PDE7B: variants seen among roughly 807,000 people sequenced by gnomAD.
PDE7B encodes 3',5'-cyclic-AMP phosphodiesterase 7B.
PDE7B carries 29 observed loss-of-function variants against 56.2 expected under a neutral mutation model. That is an observed-to-expected ratio of 0.52 (90% CI 0.38 to 0.70). The LOEUF is 0.70. PDE7B is among the 30% of genes least tolerant of loss of function. The probability of loss-of-function intolerance (pLI) is 0.00; values close to 1 mark genes in which losing one functional copy is unlikely to be tolerated. For synonymous variants in PDE7B, 197 were observed against 196.9 expected (o/e 1.00, Z 0.00); for missense variants, 490 against 565.0 (o/e 0.87, Z 1.35).
At chr6:136,027,958 T>G (rs1776181889) in intron 2 of PDE7B, among the ~76,000 whole-genome samples, 1 of 152,202 alleles carries the variant, frequency 6.6e-6, no homozygotes, top group African/African-American at 2.4e-5. Context: ...TTGGATATAT[T>G]GCATCTATAT....
At chr6:136,004,671 G>A (rs1241572495) in intron 2 of PDE7B, among the ~76,000 whole-genome samples, 2 of 152,034 alleles carry the variant, frequency 1.3e-5, no homozygotes, top group Non-Finnish European at 2.9e-5. Flanking sequence ...TCTTCAAGGA[G>A]AACTACAAAC....
chr6:136,064,106 A>G (rs1412633561), intron 2 of PDE7B, among the ~76,000 whole-genome samples: 3 of 152,178 alleles, frequency 2.0e-5, no homozygotes, highest in Non-Finnish European at 4.4e-5. Flanking sequence ...AATATTCACA[A>G]CTTCTTAATT....
chr6:136,030,158 C>A (rs4896197), intron 2 of PDE7B, among the ~76,000 whole-genome samples: 19,484 of 152,054 alleles, frequency 0.13, 2,542 homozygotes, highest in African/African-American at 0.33. Flanking sequence ...TCAGGAAAGA[C>A]AATGGAAAAA....
intron 1 of PDE7B, among the ~76,000 whole-genome samples, chr6:135,911,625 G>GT (rs1776213777): frequency 6.6e-6 from 1 of 152,094 alleles, no homozygotes; most frequent in Non-Finnish European, 1.5e-5. Context: ...ATGTGTTTTT[G>GT]TGTTTGCTGT....
intron 9 of PDE7B, among the ~76,000 whole-genome samples, chr6:136,174,370 G>A (rs1275314342): frequency 1.3e-5 from 2 of 152,096 alleles, no homozygotes; most frequent in Non-Finnish European, 2.9e-5. Flanking sequence ...TAATTGAAAT[G>A]GCCCTAGCAT....
intron 1 of PDE7B, among the ~76,000 whole-genome samples, chr6:135,894,425 C>G (rs1481391549): frequency 6.6e-6 from 1 of 152,104 alleles, no homozygotes; most frequent in African/African-American, 2.4e-5. Context: ...GGGAAATTAG[C>G]CAAACACTTT....
chr6:135,879,286 C>G (rs996512163), intron 1 of PDE7B, among the ~76,000 whole-genome samples: 2 of 152,076 alleles, frequency 1.3e-5, no homozygotes, highest in East Asian at 1.9e-4. Flanking sequence ...AGTAAATAGA[C>G]CTTTTCCCCT....
intron 9 of PDE7B, among the ~76,000 whole-genome samples, chr6:136,176,021 A>G (rs924703563): frequency 3.9e-5 from 6 of 152,102 alleles, no homozygotes; most frequent in Non-Finnish European, 8.8e-5. Context: ...TTTTCATTAA[A>G]TTAGTATGCA....
intron 2 of PDE7B, among the ~76,000 whole-genome samples, chr6:135,952,941 T>C (rs1000445454): frequency 3.3e-5 from 5 of 152,146 alleles, no homozygotes; most frequent in Non-Finnish European, 7.4e-5. Context: ...CTCTATAAGC[T>C]CCTAGGTACT....
intron 2 of PDE7B, among the ~76,000 whole-genome samples, chr6:136,022,044 G>A (rs1290437703): frequency 6.6e-6 from 1 of 152,174 alleles, no homozygotes; most frequent in Non-Finnish European, 1.5e-5. Context: ...ATAGCAGCTA[G>A]TTCTTGCTTT....
intron 3 of PDE7B, among the ~76,000 whole-genome samples, chr6:136,129,483 C>T (rs745383315): frequency 3.9e-5 from 6 of 152,160 alleles, no homozygotes; most frequent in Non-Finnish European, 8.8e-5. Context: ...AGATTTCCTC[C>T]AACCACACCC....
intron 8 of PDE7B, among the ~76,000 whole-genome samples, chr6:136,169,424 T>C (rs934893399): frequency 3.3e-5 from 5 of 152,166 alleles, no homozygotes; most frequent in African/African-American, 1.2e-4. Flanking sequence ...CATCTCCAAA[T>C]ACAGTTTCAC....
intron 2 of PDE7B, among the ~76,000 whole-genome samples, chr6:135,977,285 A>G (rs1775202984): frequency 1.3e-5 from 2 of 152,122 alleles, no homozygotes; most frequent in African/African-American, 4.8e-5. Flanking sequence ...AGACCTGATC[A>G]TGGAGGATGG....
At chr6:136,077,384 G>A (rs1310180494) in intron 2 of PDE7B, among the ~76,000 whole-genome samples, 5 of 152,158 alleles carry the variant, frequency 3.3e-5, no homozygotes, top group African/African-American at 9.7e-5. Context: ...TGGCTTAGCT[G>A]TGAATTATGA....
chr6:136,009,601 T>C (rs1775852247), intron 2 of PDE7B, among the ~76,000 whole-genome samples: 1 of 152,250 alleles, frequency 6.6e-6, no homozygotes, highest in African/African-American at 2.4e-5. Flanking sequence ...GAAGCAATTG[T>C]GAATGGGCAT....
chr6:135,921,090 C>T (rs893550115), intron 1 of PDE7B, among the ~76,000 whole-genome samples: 50 of 152,130 alleles, frequency 3.3e-4, no homozygotes, highest in African/African-American at 1.1e-3. Flanking sequence ...CTATTAAAGT[C>T]AGTGAGTGTA....
At chr6:136,076,519 C>T (rs913925778) in intron 2 of PDE7B, among the ~76,000 whole-genome samples, 8 of 152,024 alleles carry the variant, frequency 5.3e-5, no homozygotes, top group African/African-American at 1.9e-4. Context: ...CTTAGAAAGC[C>T]TCAGGAATTG....
At chr6:135,882,439 A>G (rs549754082) in intron 1 of PDE7B, among the ~76,000 whole-genome samples, 21 of 152,258 alleles carry the variant, frequency 1.4e-4, no homozygotes, top group South Asian at 1.0e-3. Flanking sequence ...ATATCAAATC[A>G]TATTCCACAC....
At chr6:136,119,892 C>A (rs533153648) in intron 3 of PDE7B, among the ~76,000 whole-genome samples, 14 of 152,252 alleles carry the variant, frequency 9.2e-5, no homozygotes, top group African/African-American at 3.4e-4. Context: ...AAATAAAACA[C>A]CAGGATTCCC....
Sources: allele counts gnomAD v4.1 joint callset (sites outside exome capture counted in the v4.1 genomes callset), GRCh38; gene constraint gnomAD v4.1.1; transcripts MANE v1.5; gene names NCBI Gene and HGNC (gene_info 2026-07-23, HGNC 2026-07-21).